Variants in GRIP1 observed in about 807,000 individuals in gnomAD.
The protein encoded by GRIP1 is glutamate receptor interacting protein 1, also known as glutamate receptor-interacting protein 1.
In GRIP1, 45 loss-of-function variants were observed where a neutral mutation model predicts 129.9. The observed-to-expected ratio is 0.35, with a 90% CI of 0.27 to 0.44. GRIP1 has a LOEUF of 0.44. Ranked by LOEUF, GRIP1 falls within the 20% of genes least tolerant of loss-of-function variation. The pLI, the probability that GRIP1 is intolerant of heterozygous loss-of-function variation, is 1.00. For synonymous variants in GRIP1, 530 were observed against 520.8 expected, an observed-to-expected ratio of 1.02 and a Z score of -0.24; for missense variants, 1,196 against 1,396.8, an observed-to-expected ratio of 0.86 and a Z score of 2.29.
chr12:66,786,630 C>T (rs1186116308), intron 1 of GRIP1, among the ~76,000 whole-genome samples: 1 of 152,158 alleles, frequency 6.6e-6, no homozygotes, highest in Non-Finnish European at 1.5e-5. Context: ...TGCTGGAACA[C>T]CAAATACTCT....
chr12:67,032,543 A>T (rs2043038341), intron 1 of GRIP1, among the ~76,000 whole-genome samples: 1 of 152,172 alleles, frequency 6.6e-6, no homozygotes, highest in Non-Finnish European at 1.5e-5. Flanking sequence ...GGAATTCTCA[A>T]CCTCAGCACT....
intron 1 of GRIP1, among the ~76,000 whole-genome samples, chr12:66,843,563 T>C (rs944915653): frequency 8.6e-5 from 13 of 152,030 alleles, no homozygotes; most frequent in African/African-American, 2.9e-4. Context: ...TCAAAACTTA[T>C]TACAAAGCTA....
At chr12:66,999,790 T>C (rs1051916706) in intron 1 of GRIP1, among the ~76,000 whole-genome samples, 1 of 152,150 alleles carries the variant, frequency 6.6e-6, no homozygotes, top group African/African-American at 2.4e-5. Context: ...CATGGTTCCA[T>C]CTACTTATAC....
chr12:66,418,101 T>C (rs1337458007), intron 15 of GRIP1, among the ~76,000 whole-genome samples: 1 of 151,956 alleles, frequency 6.6e-6, no homozygotes, highest in African/African-American at 2.4e-5. Context: ...TATAGACCAA[T>C]GGAACAGAAT....
chr12:66,358,163 G>A (rs921539750), intron 23 of GRIP1, among the ~76,000 whole-genome samples: 2 of 152,206 alleles, frequency 1.3e-5, no homozygotes, highest in Non-Finnish European at 2.9e-5. Context: ...CAAAAGTGCT[G>A]GGATTACAGG....
chr12:66,875,486 T>C (rs1390845150), intron 1 of GRIP1, among the ~76,000 whole-genome samples: 1 of 152,076 alleles, frequency 6.6e-6, no homozygotes, highest in East Asian at 1.9e-4. Context: ...TAGGGCTCCA[T>C]CATTCCACAG....
intron 24 of GRIP1, among the ~76,000 whole-genome samples, chr12:66,350,245 C>T (rs1002521576): frequency 3.3e-5 from 5 of 152,040 alleles, no homozygotes; most frequent in South Asian, 2.1e-4. Flanking sequence ...CACCTGTTAT[C>T]GCAGTACTTT....
intron 1 of GRIP1, among the ~76,000 whole-genome samples, chr12:66,642,280 T>G (rs2032001119): frequency 1.0e-5 from 1 of 98,508 alleles, no homozygotes; most frequent in South Asian, 2.8e-4. Flanking sequence ...AGGAGAGAAC[T>G]CCAGCAAGAG....
chr12:67,061,891 T>C (rs575762660), intron 1 of GRIP1, among the ~76,000 whole-genome samples: 34 of 152,152 alleles, frequency 2.2e-4, no homozygotes, highest in African/African-American at 4.3e-4. Flanking sequence ...CAATATGTGA[T>C]AGAAAAAACA....
intron 1 of GRIP1, among the ~76,000 whole-genome samples, chr12:66,985,252 G>T (rs73133667): frequency 0.11 from 17,066 of 151,828 alleles, 1,167 homozygotes; most frequent in African/African-American, 0.17. Flanking sequence ...AAGAGGAAAG[G>T]CATAGGCCCA....
At chr12:67,010,086 T>C (rs1440696579) in intron 1 of GRIP1, among the ~76,000 whole-genome samples, 2 of 152,186 alleles carry the variant, frequency 1.3e-5, no homozygotes, top group Non-Finnish European at 2.9e-5. Context: ...AGGTATACCA[T>C]GGGACTGTCT....
intron 1 of GRIP1, among the ~76,000 whole-genome samples, chr12:66,782,892 T>C (rs1450219006): frequency 1.3e-5 from 2 of 152,184 alleles, no homozygotes; most frequent in African/African-American, 4.8e-5. Context: ...TAACATACTT[T>C]GACAAAATTA....
rs4508280 is a variant in GRIP1 at position 66,521,579 on chromosome 12, G to A, written c.503-3603C>T. On this transcript the variant is annotated intron_variant, in intron 5 of 24. Coordinates refer to ENST00000359742, the MANE Select transcript of GRIP1 (RefSeq NM_001366722.1). ...GTCTACAGCTCCCAGCGTGAGTGACGCAGAAGACGGGTGATTTCTGCATTT... is the reference window on the plus strand; with the variant it reads ...GTCTACAGCTCCCAGCGTGAGTGACACAGAAGACGGGTGATTTCTGCATTT... Among the ~76,000 whole-genome samples, 1,257 of 152,290 alleles carry A rather than the reference G, an allele frequency of 8.3e-3. 7 individuals carry two copies. The highest frequency in any genetic ancestry group is 0.017 in the Admixed American group (261 of 15,308).
At chr12:66,564,790 T>C (rs1024888509) in intron 2 of GRIP1, among the ~76,000 whole-genome samples, 1 of 152,222 alleles carries the variant, frequency 6.6e-6, no homozygotes. Context: ...CAGCACCTGT[T>C]GTTTCCTGAC....
intron 5 of GRIP1, among the ~76,000 whole-genome samples, chr12:66,527,105 G>A (rs951017772): frequency 1.4e-5 from 2 of 147,154 alleles, no homozygotes; most frequent in Admixed American, 1.4e-4. Flanking sequence ...AACCATTGTG[G>A]AAGTCAGTGT....
In GRIP1 at chr12:67,056,809, T is replaced by TTTTG. The variant is rs529195170; in HGVS notation, c.58+12237_58+12240dup. On this transcript the variant is annotated intron_variant, in intron 1 of 1. Transcript: ENST00000643019. Reference sequence around the variant, plus strand: ...GACTGAATGGTTTTGTTTTGTTTTGTTTTGTTTGTTTGTTTGTTTGAGATG... The same window carrying TTTTG: ...GACTGAATGGTTTTGTTTTGTTTTGTTTTGTTTGTTTGTTTGTTTGTTTGAGATG... Among the ~76,000 whole-genome samples, 946 of 152,066 alleles carry TTTTG rather than the reference T, an allele frequency of 6.2e-3. 4 individuals are homozygous for TTTTG. The highest frequency in any genetic ancestry group is 0.022 in the South Asian group (105 of 4,804).
chr12:66,804,651 A>C (rs2038951704), upstream of GRIP1, among the ~76,000 whole-genome samples: 1 of 152,172 alleles, frequency 6.6e-6, no homozygotes, highest in Admixed American at 6.5e-5. Flanking sequence ...GGGCCGGGGA[A>C]ACACATTAGT....
intron 1 of GRIP1, among the ~76,000 whole-genome samples, chr12:67,062,058 C>T (rs900152747): frequency 9.9e-5 from 15 of 152,156 alleles, no homozygotes; most frequent in African/African-American, 3.6e-4. Context: ...CAGTAGCCTC[C>T]CACCTGCTTC....
chr12:66,410,886 A>G (rs565902435), intron 15 of GRIP1, among the ~76,000 whole-genome samples: 4 of 152,342 alleles, frequency 2.6e-5, no homozygotes, highest in African/African-American at 9.6e-5. Context: ...GCAACTACAA[A>G]TGCAAAATAA....
Sources: allele counts gnomAD v4.1 joint callset (sites outside exome capture counted in the v4.1 genomes callset), GRCh38; gene constraint gnomAD v4.1.1; transcripts MANE v1.5; gene names NCBI Gene and HGNC (gene_info 2026-07-23, HGNC 2026-07-21).